NTMT1: variants seen among roughly 807,000 people sequenced by gnomAD.
NTMT1 encodes the protein N-terminal RCC1 methyltransferase.
NTMT1 carries 8 observed loss-of-function variants against 17.5 expected under a neutral mutation model. The ratio of observed to expected loss-of-function variants is 0.46; its 90% CI spans 0.27 to 0.82. The LOEUF is 0.82. Among genes scored for constraint, NTMT1 ranks in the 40% least tolerant of loss-of-function variants. The probability of loss-of-function intolerance (pLI) is 0.15; values close to 1 mark genes in which losing one functional copy is unlikely to be tolerated. For synonymous variants in NTMT1, 128 were observed against 126.8 expected (o/e 1.01, Z -0.06); for missense variants, 221 against 303.5 (o/e 0.73, Z 2.02).
intron 1 of NTMT1, among the ~76,000 whole-genome samples, chr9:129,630,100 A>G (rs555125157): frequency 1.3e-5 from 2 of 152,332 alleles, no homozygotes; most frequent in African/African-American, 2.4e-5. Context: ...CTGCTTCTGG[A>G]AAGTTCCTTC....
At chr9:129,611,421 T>C (rs1168672466) in intron 1 of NTMT1, among the ~76,000 whole-genome samples, 17 of 152,216 alleles carry the variant, frequency 1.1e-4, no homozygotes, top group Admixed American at 1.1e-3. Flanking sequence ...GATGCAGATT[T>C]GAACATCCAC....
intron 1 of NTMT1, among the ~76,000 whole-genome samples, chr9:129,615,254 T>C (rs4489408): frequency 1.3e-5 from 2 of 152,182 alleles, no homozygotes; most frequent in South Asian, 2.1e-4. Context: ...CAGTCCAAGG[T>C]GCTGCCTGCG....
intron 1 of NTMT1, among the ~76,000 whole-genome samples, chr9:129,610,187 A>C (rs865774153): frequency 5.3e-5 from 5 of 94,154 alleles, no homozygotes; most frequent in South Asian, 9.6e-4. Flanking sequence ...GCCACAGGGG[A>C]GGGGGGAGGA....
chr9:129,631,114 C>A (rs1371562448), intron 1 of NTMT1, among the ~76,000 whole-genome samples: 1 of 152,252 alleles, frequency 6.6e-6, no homozygotes, highest in Non-Finnish European at 1.5e-5. Flanking sequence ...CTGCCCCACC[C>A]CCTCCAGCAC....
In NTMT1 at chr9:129,635,327, G is replaced by A. The variant is rs150529893; in HGVS notation, c.535G>A (p.Val179Met). Residue 179 changes from valine (V) to methionine (M), a missense_variant, in exon 4 of 4, where the codon GTG becomes ATG. Coordinates refer to ENST00000372483, the MANE Select transcript of NTMT1 (RefSeq NM_014064.4). Reference sequence around the variant, plus strand: ...CCAGGAGGGCGTGATTCTGGACGACGTGGACAGCAGCGTGTGCCGGGACCT... The same window carrying A: ...CCAGGAGGGCGTGATTCTGGACGACATGGACAGCAGCGTGTGCCGGGACCT... ...MAQEGVILDD[V>M]DSSVCRDLDV... 2.6e-5 allele frequency: 42 copies of A among 1,613,838 alleles called. No individual in the cohort carries two copies. Among genetic ancestry groups the A allele is most frequent in the South Asian group, 7.7e-5 (7 of 91,090 alleles).
chr9:129,635,493 C>A lies in NTMT1; in HGVS notation c.*29C>A. On this transcript the variant is annotated 3_prime_UTR_variant, in exon 4 of 4. Transcript: ENST00000372483. ...GGGGCTGGCAGGAGAAACTGAGGAACCACAGTCCTGGTGGGGGGAGCTGGC... is the reference window on the plus strand; with the variant it reads ...GGGGCTGGCAGGAGAAACTGAGGAAACACAGTCCTGGTGGGGGGAGCTGGC... 6.3e-7 allele frequency: 1 copy of A among 1,594,092 alleles called. No homozygotes were observed. Among genetic ancestry groups the A allele is most frequent in the Non-Finnish European group, 8.6e-7 (1 of 1,167,842 alleles).
At chr9:129,610,412 T>A (rs1006132475) in intron 1 of NTMT1, among the ~76,000 whole-genome samples, 1 of 151,212 alleles carries the variant, frequency 6.6e-6, no homozygotes. Context: ...GCTTCAGTGC[T>A]CGGCGCTGCC....
chr9:129,628,353 C>A (rs1017347048), intron 1 of NTMT1, among the ~76,000 whole-genome samples: 1 of 152,184 alleles, frequency 6.6e-6, no homozygotes, highest in African/African-American at 2.4e-5. Flanking sequence ...CCAGGATGTG[C>A]CTCCCCTGGC....
chr9:129,621,654 C>T (rs1830722014), upstream of NTMT1, among the ~76,000 whole-genome samples: 1 of 152,214 alleles, frequency 6.6e-6, no homozygotes, highest in Non-Finnish European at 1.5e-5. Flanking sequence ...AGGCGTGAGT[C>T]CCCACTTCTG....
rs1327194747 is a variant in NTMT1 at position 129,635,777 on chromosome 9, C to T, written c.*313C>T. The T allele has an allele frequency of 3.7e-6, 1 of 270,740 alleles. No homozygotes were observed. Among genetic ancestry groups the T allele is most frequent in the Non-Finnish European group, 7.0e-6 (1 of 142,018 alleles). 16.8% of individuals were successfully genotyped at this position (270,740 alleles called of 1,614,324 possible). A position where few individuals can be genotyped will look rare whatever the true frequency, so the allele number is the denominator to read the frequency against. On this transcript the variant is annotated 3_prime_UTR_variant, in exon 4 of 4. Coordinates refer to ENST00000372483, the MANE Select transcript of NTMT1 (RefSeq NM_014064.4). Reference sequence around the variant, plus strand: ...AGGGTGGCCACATCAGTAACCGATTCCCTGGGCCTCCAGCCCGGCCTTCCA... The same window carrying T: ...AGGGTGGCCACATCAGTAACCGATTTCCTGGGCCTCCAGCCCGGCCTTCCA...
chr9:129,619,763 G>GT, intron 1 of NTMT1: 4 of 1,614,142 alleles, frequency 2.5e-6, no homozygotes, highest in Non-Finnish European at 3.4e-6. Context: ...GGAATGAACA[G>GT]TTGGGACACC....
At chr9:129,612,951 A>G (rs1367580358) in intron 1 of NTMT1, among the ~76,000 whole-genome samples, 1 of 152,120 alleles carries the variant, frequency 6.6e-6, no homozygotes, top group African/African-American at 2.4e-5. Flanking sequence ...ATGCAGGAAC[A>G]CAGGGCGTGG....
rs1558873 is a variant in NTMT1 at position 129,634,376 on chromosome 9, A to C, written c.415+70A>C. On this transcript the variant is annotated intron_variant, in intron 3 of 3. Transcript: ENST00000372483. Reference sequence around the variant, plus strand: ...CCACTCGCGTTCCCCATAAGGTGTCAGGACCAGGGCTTTGCACTCCTGCAG... The same window carrying C: ...CCACTCGCGTTCCCCATAAGGTGTCCGGACCAGGGCTTTGCACTCCTGCAG... The C allele has an allele frequency of 2.7e-3, 4,109 of 1,525,942 alleles. 104 individuals are homozygous for C. The African/African-American group carries it at 0.048, about 18-fold the overall frequency. The allele number at this position is 1,525,942 out of a possible 1,614,324, so 94.5% of individuals were successfully genotyped here. A position where few individuals can be genotyped will look rare whatever the true frequency, so the allele number is the denominator to read the frequency against.
intron 1 of NTMT1, among the ~76,000 whole-genome samples, chr9:129,612,013 G>C (rs534663744): frequency 6.6e-6 from 1 of 152,126 alleles, no homozygotes; most frequent in South Asian, 2.1e-4. Context: ...GCCTTCCAAA[G>C]TTCTGGGATT....
chr9:129,634,480 G>A (rs1398759717), intron 3 of NTMT1, 174 bp downstream of exon 3: 13 of 564,730 alleles, frequency 2.3e-5, no homozygotes, highest in South Asian at 3.9e-5. Context: ...GGACAGGCTC[G>A]GCCTAAAAGG....
rs761172319 is a variant in NTMT1 at position 129,613,826 on chromosome 9, G to C, written c.-55+4648G>C. On this transcript the variant is annotated intron_variant, in intron 1 of 3. Transcript: ENST00000372486. The surrounding 1 kb of genome is among the most constrained non-coding windows in gnomAD (Gnocchi z 6.2). Reference sequence around the variant, plus strand: ...TGTGCCCCTGCGCACCCCCACTCACGCTGCAGCCGGAAGCGTGCCCCCTTT... The same window carrying C: ...TGTGCCCCTGCGCACCCCCACTCACCCTGCAGCCGGAAGCGTGCCCCCTTT... 1.6e-4 allele frequency among the ~76,000 whole-genome samples: 25 copies of C among 152,188 alleles called. No individual in the cohort carries two copies. Among genetic ancestry groups the C allele is most frequent in the Non-Finnish European group, 2.9e-4 (20 of 68,028 alleles).
chr9:129,630,764 C>T (rs1004225583), intron 1 of NTMT1, among the ~76,000 whole-genome samples: 7 of 152,228 alleles, frequency 4.6e-5, no homozygotes, highest in African/African-American at 7.2e-5. Context: ...ACGTGCGAGG[C>T]GGTGAGCTGC....
upstream of NTMT1, among the ~76,000 whole-genome samples, chr9:129,623,780 CT>C (rs1182667051): frequency 6.8e-6 from 1 of 146,834 alleles, no homozygotes; most frequent in Non-Finnish European, 1.5e-5. Flanking sequence ...TTTTTAATGG[CT>C]GCGAAACACC....
chr9:129,625,603 C>T (rs62586368), upstream of NTMT1, among the ~76,000 whole-genome samples: 30,415 of 152,008 alleles, frequency 0.2, 3,581 homozygotes, highest in African/African-American at 0.34. Context: ...CGGTGGCTCA[C>T]GCATGTAATC....
Sources: allele counts gnomAD v4.1 joint callset (sites outside exome capture counted in the v4.1 genomes callset), GRCh38; gene constraint gnomAD v4.1.1; non-coding constraint Gnocchi (gnomAD v3.1); transcripts MANE v1.5; gene names NCBI Gene and HGNC (gene_info 2026-07-23, HGNC 2026-07-21).